The following WNK1 variants were observed in gnomAD, a reference collection of about 807,000 sequenced individuals.
WNK1 encodes the protein serine/threonine-protein kinase WNK1.
Under a neutral mutation model 222.8 loss-of-function variants are expected in WNK1, and 38 were observed. That is an observed-to-expected ratio of 0.17 (90% CI 0.13 to 0.22). WNK1 has a LOEUF of 0.22. Ranked by LOEUF, WNK1 falls within the 10% of genes least tolerant of loss-of-function variation. The pLI, the probability that WNK1 is intolerant of heterozygous loss-of-function variation, is 1.00. For synonymous variants in WNK1, 1,090 were observed against 1,092.9 expected (o/e 1.00, Z 0.05); for missense variants, 2,348 against 2,918.4 (o/e 0.80, Z 4.50).
At chr12:793,390 A>G (rs1455325498) in intron 1 of WNK1, among the ~76,000 whole-genome samples, 8 of 152,236 alleles carry the variant, frequency 5.3e-5, no homozygotes, top group African/African-American at 1.9e-4. Flanking sequence ...AATGTAAATT[A>G]AAACAAGGAG....
At chr12:869,385 C>T (rs532568630) in intron 8 of WNK1, among the ~76,000 whole-genome samples, 2 of 152,204 alleles carry the variant, frequency 1.3e-5, no homozygotes, top group South Asian at 4.1e-4. Flanking sequence ...CTTCTATGCA[C>T]GTTATTTTCA....
chr12:855,806 T>C (rs114774778), intron 4 of WNK1, among the ~76,000 whole-genome samples: 1,546 of 152,184 alleles, frequency 0.01, 27 homozygotes, highest in African/African-American at 0.035. Context: ...ACATCTTATG[T>C]ATATTTTCCA....
intron 1 of WNK1, among the ~76,000 whole-genome samples, chr12:782,902 C>CTTT (rs552829869): frequency 6.8e-6 from 1 of 146,554 alleles, no homozygotes; most frequent in Non-Finnish European, 1.5e-5. Flanking sequence ...AACATAGTTT[C>CTTT]TTTTTTTTTT....
chr12:861,171 A>G lies in WNK1; in HGVS notation c.1779A>G (p.Val593=), dbSNP rs772544134. The change falls in exon 7 of 28, where the codon GTA becomes GTG. Residue 593 remains valine, a synonymous_variant. Transcript: ENST00000315939. ...KQEESSLKQQ[V]EQSSASQTGI... is the part of the protein sequence containing the mutation. ...AAGAGAGCAGTCTCAAACAGCAGGTAGAACAATCCAGTGCTTCCCAGACAG... is the reference window on the plus strand; with the variant it reads ...AAGAGAGCAGTCTCAAACAGCAGGTGGAACAATCCAGTGCTTCCCAGACAG... The G allele has an allele frequency of 8.1e-6, 13 of 1,614,064 alleles. No homozygotes were observed. Among genetic ancestry groups the G allele is most frequent in the South Asian group, 1.1e-5 (1 of 91,086 alleles).
chr12:891,569 A>G (rs1407283434), intron 22 of WNK1, among the ~76,000 whole-genome samples: 1 of 151,630 alleles, frequency 6.6e-6, no homozygotes, highest in Non-Finnish European at 1.5e-5. Flanking sequence ...ATCATAAAAT[A>G]GTACTATATG....
chr12:755,361 A>G (rs970927455), intron 1 of WNK1, among the ~76,000 whole-genome samples: 1 of 152,218 alleles, frequency 6.6e-6, no homozygotes, highest in Non-Finnish European at 1.5e-5. Context: ...TATGAAAATA[A>G]CTGAATGATC....
At chr12:836,249 C>G (rs2057824) in intron 4 of WNK1, among the ~76,000 whole-genome samples, 4 of 152,220 alleles carry the variant, frequency 2.6e-5, no homozygotes, top group African/African-American at 9.7e-5. Flanking sequence ...ATGAGTGATA[C>G]TGCTAAACAG....
At chr12:904,545 C>T in intron 26 of WNK1, 3 of 1,247,764 alleles carry the variant, frequency 2.4e-6, no homozygotes, top group Non-Finnish European at 3.2e-6. Flanking sequence ...GCCTGTTAAC[C>T]ATGAGTTCTT....
chr12:859,606 G>C (rs1467604260), intron 6 of WNK1, 142 bp downstream of exon 6: 1 of 440,142 alleles, frequency 2.3e-6, no homozygotes, highest in East Asian at 4.8e-5. Context: ...AGTTATCTTT[G>C]ATTAGTGGGA....
In WNK1 at chr12:758,336, T is replaced by A. The variant is rs146414279; in HGVS notation, c.759+4012T>A. Among the ~76,000 whole-genome samples, 55 of 144,306 alleles carry A rather than the reference T, an allele frequency of 3.8e-4. 3 individuals carry two copies. The highest frequency in any genetic ancestry group is 1.3e-3 in the African/African-American group (51 of 40,710). The allele number at this position is 144,306 out of a possible 152,430, so 94.7% of individuals were successfully genotyped here. On this transcript the variant is annotated intron_variant, in intron 1 of 27. Transcript: ENST00000315939. Reference sequence around the variant, plus strand: ...GTTACAGAAATGGGATGTGGTTCTGTGATTAAGAAACCATCATTTATTTCT... The same window carrying A: ...GTTACAGAAATGGGATGTGGTTCTGAGATTAAGAAACCATCATTTATTTCT...
At position 863,726 on chromosome 12, in the gene WNK1, A is replaced by C. The variant is rs369831286; in HGVS notation, c.2139+1456A>C. On this transcript the variant is annotated intron_variant, in intron 8 of 27. Coordinates refer to ENST00000315939, the MANE Select transcript of WNK1 (RefSeq NM_018979.4). ...GCTTTTTAATGACAGTATTCTATGG[A>C]GGTATTATGAAGAATTATTAAATAT... Among the ~76,000 whole-genome samples the C allele has an allele frequency of 2.0e-5, 3 of 152,118 alleles. No individual in the cohort carries two copies. The South Asian group carries it at 6.2e-4, about 31-fold the overall frequency.
intron 2 of WNK1, among the ~76,000 whole-genome samples, chr12:826,299 C>T (rs1026298922): frequency 2.0e-5 from 3 of 152,186 alleles, no homozygotes; most frequent in Non-Finnish European, 2.9e-5. Flanking sequence ...TCACATTTGG[C>T]TAGTGGCAAC....
intron 1 of WNK1, among the ~76,000 whole-genome samples, chr12:767,073 G>A (rs1271213920): frequency 2.0e-5 from 3 of 152,006 alleles, no homozygotes; most frequent in Admixed American, 6.6e-5. Context: ...CACCGTGCCC[G>A]GCCCTAGATG....
At chr12:814,452 C>T (rs1947174587) in intron 2 of WNK1, among the ~76,000 whole-genome samples, 1 of 152,060 alleles carries the variant, frequency 6.6e-6, no homozygotes, top group Admixed American at 6.6e-5. Flanking sequence ...TTTGCTATAT[C>T]CCTGCAACTT....
At position 820,690 on chromosome 12, in the gene WNK1, G is replaced by A. The variant is rs368698814; in HGVS notation, c.933-6352G>A. ...GGGTCTCAATATATTGCTTATGGTA[G>A]TCACAAATTCCTGGCCTCAAGTGAT... is the stretch of plus-strand genomic sequence containing the variant. On this transcript the variant is annotated intron_variant, in intron 2 of 27. Transcript: ENST00000315939. 2.3e-3 allele frequency among the ~76,000 whole-genome samples: 348 copies of A among 152,066 alleles called. 8 individuals carry two copies. The South Asian group carries it at 0.039, about 17-fold the overall frequency.
intron 1 of WNK1, among the ~76,000 whole-genome samples, chr12:803,918 T>A (rs1946110236): frequency 6.6e-6 from 1 of 152,230 alleles, no homozygotes; most frequent in South Asian, 2.1e-4. Context: ...GAAATGACAA[T>A]TGGATTAAAT....
Position 752,886 on chromosome 12 carries a change from G to A in WNK1, c.-680G>A, listed in dbSNP as rs904095097. On this transcript the variant is annotated 5_prime_UTR_variant, in exon 1 of 28. Coordinates refer to ENST00000315939, the MANE Select transcript of WNK1 (RefSeq NM_018979.4). ...GGCGGGCGGGGAGGCCTCGGGGAAG[G>A]GGGGGCCCGCTCCTCAGGCGCCGAG... The A allele has an allele frequency of 6.6e-6, 1 of 152,244 alleles. No homozygotes were observed. Among genetic ancestry groups the A allele is most frequent in the East Asian group, 1.9e-4 (1 of 5,166 alleles). 9.4% of individuals were successfully genotyped at this position (152,244 alleles called of 1,614,324 possible). A position where few individuals can be genotyped will look rare whatever the true frequency, so the allele number is the denominator to read the frequency against.
rs1405108536 is a variant in WNK1, at chr12:910,688, C to T, written c.*1896C>T. On this transcript the variant is annotated 3_prime_UTR_variant, in exon 28 of 28. Coordinates refer to ENST00000315939, the MANE Select transcript of WNK1 (RefSeq NM_018979.4). ...CTTTTACCCACGTCAATGGCATATT[C>T]TGGGAATCACCACCACCACCACCAC... The T allele has an allele frequency of 6.6e-6, 1 of 152,420 alleles. No homozygotes were observed. The highest frequency in any genetic ancestry group is 2.4e-5 in the African/African-American group (1 of 41,434). The allele number at this position is 152,420 out of a possible 1,614,324, so 9.4% of individuals were successfully genotyped here. A position where few individuals can be genotyped will look rare whatever the true frequency, so the allele number is the denominator to read the frequency against.
chr12:779,397 G>GTT (rs5795950), intron 1 of WNK1, among the ~76,000 whole-genome samples: 14 of 124,266 alleles, frequency 1.1e-4, no homozygotes, highest in South Asian at 7.0e-4. Context: ...TTTCTTTTCT[G>GTT]TTTTTTTTTT....
Sources: gnomAD v4.1 joint callset for allele counts (sites outside exome capture counted in the v4.1 genomes callset) on GRCh38, gnomAD v4.1.1 for gene constraint, MANE v1.5 for transcripts, NCBI Gene and HGNC (gene_info 2026-07-23, HGNC 2026-07-21) for gene names.